CAPZB: variants seen among roughly 807,000 people sequenced by gnomAD.
CAPZB encodes the protein capping actin protein of muscle Z-line subunit beta.
CAPZB carries 2 observed loss-of-function variants against 38.1 expected under a neutral mutation model. That is an observed-to-expected ratio of 0.05 (90% CI 0.02 to 0.17). The LOEUF is 0.17. Among genes scored for constraint, CAPZB ranks in the 10% least tolerant of loss-of-function variants. The pLI is 1.00. For missense variants in CAPZB, 161 were observed against 334.2 expected, an observed-to-expected ratio of 0.48 and a Z score of 4.04; for synonymous variants, 107 against 127.4, an observed-to-expected ratio of 0.84 and a Z score of 1.08.
chr1:19,407,524 T>C (rs1259179727), intron 2 of CAPZB, among the ~76,000 whole-genome samples: 1 of 151,978 alleles, frequency 6.6e-6, no homozygotes, highest in Non-Finnish European at 1.5e-5. Context: ...AGGTGAGCAG[T>C]GCTGATAAGG....
At chr1:19,345,529 C>T (rs1423136281) in intron 6 of CAPZB, among the ~76,000 whole-genome samples, 1 of 152,250 alleles carries the variant, frequency 6.6e-6, no homozygotes. Context: ...TGCCCAGAGC[C>T]ACAGCAGCAG....
intron 4 of CAPZB, among the ~76,000 whole-genome samples, chr1:19,364,390 C>T (rs2094071594): frequency 6.6e-6 from 1 of 152,190 alleles, no homozygotes; most frequent in Non-Finnish European, 1.5e-5. Context: ...TGACAGTGAA[C>T]TCATTACATT....
At chr1:19,373,578 T>C (rs147489429) in intron 4 of CAPZB, among the ~76,000 whole-genome samples, 51 of 152,312 alleles carry the variant, frequency 3.3e-4, no homozygotes, top group African/African-American at 1.2e-3. Flanking sequence ...AGTTCTGCTA[T>C]CTGAGGAGGC....
At chr1:19,350,396 C>T (rs1471152879) in intron 6 of CAPZB, among the ~76,000 whole-genome samples, 1 of 152,276 alleles carries the variant, frequency 6.6e-6, no homozygotes, top group Non-Finnish European at 1.5e-5. Flanking sequence ...CAAAGCACAG[C>T]TCCATCCCCA....
intron 1 of CAPZB, among the ~76,000 whole-genome samples, chr1:19,441,557 G>T (rs764511994): frequency 6.6e-6 from 1 of 151,342 alleles, no homozygotes; most frequent in Non-Finnish European, 1.5e-5. Context: ...CCCTTTTTTT[G>T]CATAACAACA....
At chr1:19,354,244 C>T (rs1025761226) in intron 6 of CAPZB, among the ~76,000 whole-genome samples, 5 of 152,172 alleles carry the variant, frequency 3.3e-5, no homozygotes, top group Non-Finnish European at 5.9e-5. Context: ...AGCCTGCAAA[C>T]CATGCATGTT....
intron 2 of CAPZB, among the ~76,000 whole-genome samples, chr1:19,394,679 G>A (rs1478982212): frequency 6.6e-6 from 1 of 152,162 alleles, no homozygotes. Flanking sequence ...TCGCGCCACA[G>A]CACTTCAGCC....
intron 8 of CAPZB, 117 bp from the exon 9 acceptor site, chr1:19,339,734 G>A (rs1402766142): frequency 4.9e-6 from 4 of 809,208 alleles, no homozygotes; most frequent in Non-Finnish European, 8.7e-6. Context: ...GCTTCCTGGG[G>A]TGAGGCTCTG....
intron 2 of CAPZB, among the ~76,000 whole-genome samples, chr1:19,396,481 G>GGCTGCCGCCTGCTGTGGA (rs1230886980): frequency 3.3e-5 from 5 of 152,242 alleles, no homozygotes; most frequent in Admixed American, 2.0e-4. Flanking sequence ...ACTGGGCGTG[G>GGCTGCCGCCTGCTGTGGA]GCTGCCGCCT....
intron 2 of CAPZB, among the ~76,000 whole-genome samples, chr1:19,397,821 A>G (rs2100326649): frequency 1.1e-5 from 1 of 93,454 alleles, no homozygotes; most frequent in South Asian, 3.1e-4. Context: ...GTTACAAAAT[A>G]AGAATGCAGG....
At chr1:19,444,409 T>A (rs1472449887) in intron 1 of CAPZB, among the ~76,000 whole-genome samples, 3 of 152,184 alleles carry the variant, frequency 2.0e-5, no homozygotes, top group Non-Finnish European at 4.4e-5. Flanking sequence ...GGTCCAACCC[T>A]CTTAAAACAA....
At position 19,378,534 on chromosome 1, in the gene CAPZB, A is replaced by T; in HGVS notation, c.329+6T>A. Reference sequence around the variant, plus strand: ...CGCTAAAGTGCAACAGGAGAAAATGACTCACAGGTCTCGATACTGGTCAAA... The same window carrying T: ...CGCTAAAGTGCAACAGGAGAAAATGTCTCACAGGTCTCGATACTGGTCAAA... On this transcript the variant is annotated splice_donor_region_variant and intron_variant, in intron 4 of 8. Coordinates refer to ENST00000264202, the MANE Select transcript of CAPZB (RefSeq NM_004930.5). The T allele has an allele frequency of 6.5e-7, 1 of 1,528,552 alleles. No individual in the cohort carries two copies. The highest frequency in any genetic ancestry group is 9.1e-7 in the Non-Finnish European group (1 of 1,101,912). 94.7% of individuals were successfully genotyped at this position (1,528,552 alleles called of 1,614,324 possible).
intron 1 of CAPZB, chr1:19,424,260 C>T (rs1288872296): frequency 5.9e-5 from 9 of 152,042 alleles, no homozygotes; most frequent in Admixed American, 3.3e-4. Flanking sequence ...AAGATGAAAG[C>T]TATACTGTCT....
intron 2 of CAPZB, among the ~76,000 whole-genome samples, chr1:19,389,127 C>T (rs2094218535): frequency 6.6e-6 from 1 of 152,152 alleles, no homozygotes; most frequent in Non-Finnish European, 1.5e-5. Context: ...TGGAATAATA[C>T]ATGGTGTGCC....
At chr1:19,471,865 C>CAAAAAAA (rs59289947) in intron 1 of CAPZB, among the ~76,000 whole-genome samples, 4 of 134,486 alleles carry the variant, frequency 3.0e-5, no homozygotes, top group African/African-American at 1.2e-4. Context: ...GACTCCGTCT[C>CAAAAAAA]AAAAAAAAAA....
intron 3 of CAPZB, among the ~76,000 whole-genome samples, chr1:19,382,211 G>A (rs2094179226): frequency 6.6e-6 from 1 of 152,216 alleles, no homozygotes; most frequent in African/African-American, 2.4e-5. Context: ...CTGGCTCACA[G>A]ACGATAGCAT....
intron 1 of CAPZB, among the ~76,000 whole-genome samples, chr1:19,437,243 T>C (rs537363236): frequency 5.3e-5 from 8 of 152,222 alleles, no homozygotes; most frequent in Middle Eastern, 6.8e-3. Context: ...AGGCCTTCCA[T>C]GAATATATGA....
chr1:19,417,763 G>A (rs2094386170), intron 2 of CAPZB, among the ~76,000 whole-genome samples: 1 of 152,098 alleles, frequency 6.6e-6, no homozygotes. Context: ...ACCGCCCCCA[G>A]CTCACATTTC....
At chr1:19,343,504 C>A (rs891246547) in intron 8 of CAPZB, among the ~76,000 whole-genome samples, 2 of 152,236 alleles carry the variant, frequency 1.3e-5, no homozygotes, top group African/African-American at 4.8e-5. Context: ...GTTCTAGATT[C>A]ATCATCTCAG....
Sources: allele counts gnomAD v4.1 joint callset (sites outside exome capture counted in the v4.1 genomes callset), GRCh38; gene constraint gnomAD v4.1.1; transcripts MANE v1.5; gene names NCBI Gene and HGNC (gene_info 2026-07-23, HGNC 2026-07-21).